Variants in DLG2 observed in about 807,000 individuals in gnomAD.
The protein encoded by DLG2 is disks large homolog 2.
A neutral mutation model predicts 132.5 loss-of-function variants in DLG2; 45 were observed. The ratio of observed to expected loss-of-function variants is 0.34; its 90% CI spans 0.27 to 0.44. The LOEUF (loss-of-function observed/expected upper bound fraction) is 0.44. Ranked by LOEUF, DLG2 falls within the 20% of genes least tolerant of loss-of-function variation. DLG2 has a pLI of 1.00. For missense variants in DLG2, 1,045 were observed against 1,196.9 expected, an observed-to-expected ratio of 0.87 and a Z score of 1.87; for synonymous variants, 424 against 419.6, an observed-to-expected ratio of 1.01 and a Z score of -0.13.
chr11:84,882,921 T>C (rs564353934), intron 6 of DLG2, among the ~76,000 whole-genome samples: 7 of 152,008 alleles, frequency 4.6e-5, no homozygotes, highest in Admixed American at 6.6e-5. Flanking sequence ...GAATTTTCAA[T>C]AGGAATTTGC....
intron 6 of DLG2, among the ~76,000 whole-genome samples, chr11:84,841,042 T>TA (rs1566113496): frequency 6.7e-6 from 1 of 149,124 alleles, no homozygotes; most frequent in Non-Finnish European, 1.5e-5. Context: ...GTAGGGGGGA[T>TA]AAACTCTTCA....
intron 6 of DLG2, among the ~76,000 whole-genome samples, chr11:84,973,195 G>C (rs2054354896): frequency 6.6e-6 from 1 of 152,016 alleles, no homozygotes; most frequent in Non-Finnish European, 1.5e-5. Flanking sequence ...CTAACCTCAG[G>C]TGATCTGCCT....
intron 6 of DLG2, among the ~76,000 whole-genome samples, chr11:84,615,261 T>G (rs2099601902): frequency 6.6e-6 from 1 of 152,082 alleles, no homozygotes; most frequent in East Asian, 1.9e-4. Context: ...TAAATTTGAT[T>G]TGCAAAAGTA....
intron 3 of DLG2, among the ~76,000 whole-genome samples, chr11:85,412,346 T>A (rs528558434): frequency 3.0e-4 from 46 of 151,722 alleles, no homozygotes; most frequent in Admixed American, 1.2e-3. Flanking sequence ...GGTAGGGAGG[T>A]AAGACAGAGG....
At chr11:85,411,590 T>C (rs1338915507) in intron 3 of DLG2, among the ~76,000 whole-genome samples, 2 of 151,932 alleles carry the variant, frequency 1.3e-5, no homozygotes, top group Non-Finnish European at 2.9e-5. Flanking sequence ...TTGTACCTAA[T>C]TGTGATGATC....
At chr11:83,713,010 T>A (rs1347537507) in intron 18 of DLG2, among the ~76,000 whole-genome samples, 1 of 152,144 alleles carries the variant, frequency 6.6e-6, no homozygotes, top group Admixed American at 6.5e-5. Flanking sequence ...AAAAATTTAT[T>A]TTTTTACTAA....
At chr11:83,999,236 G>A (rs1188796587) in intron 11 of DLG2, among the ~76,000 whole-genome samples, 5 of 152,002 alleles carry the variant, frequency 3.3e-5, no homozygotes, top group Admixed American at 6.6e-5. Context: ...CTGGGCCAGG[G>A]CCCAGCCCAG....
chr11:84,586,200 T>C (rs2099529515), intron 6 of DLG2, among the ~76,000 whole-genome samples: 1 of 151,858 alleles, frequency 6.6e-6, no homozygotes, highest in Non-Finnish European at 1.5e-5. Flanking sequence ...TGATGGTGGA[T>C]TTATTACTTT....
At chr11:85,323,743 GA>G in intron 3 of DLG2, among the ~76,000 whole-genome samples, 1 of 152,348 alleles carries the variant, frequency 6.6e-6, no homozygotes, top group South Asian at 2.1e-4. Context: ...ATATTAGTGA[GA>G]ATATACAATA....
chr11:83,513,214 C>G (rs529027054), intron 21 of DLG2, among the ~76,000 whole-genome samples: 35 of 152,258 alleles, frequency 2.3e-4, no homozygotes, highest in East Asian at 2.1e-3. Context: ...GCTTTTTAAT[C>G]ATCGCCATTC....
chr11:83,664,426 CTT>C (rs560427308), intron 18 of DLG2, among the ~76,000 whole-genome samples: 187 of 141,668 alleles, frequency 1.3e-3, no homozygotes, highest in African/African-American at 4.6e-3. Flanking sequence ...TCAAACCTCA[CTT>C]TTTTTTTTTT....
chr11:83,833,005 A>AT (rs1394811455), intron 17 of DLG2, among the ~76,000 whole-genome samples: 1 of 152,208 alleles, frequency 6.6e-6, no homozygotes, highest in South Asian at 2.1e-4. Context: ...GTAATATATC[A>AT]TTTTTAAAAA....
At chr11:84,067,118 A>G (rs1006428154) in intron 10 of DLG2, among the ~76,000 whole-genome samples, 2 of 152,138 alleles carry the variant, frequency 1.3e-5, no homozygotes, top group African/African-American at 4.8e-5. Flanking sequence ...GAGTATCATG[A>G]GGTCAGGAGT....
chr11:84,189,283 C>T (rs1174142096), intron 8 of DLG2, among the ~76,000 whole-genome samples: 1 of 152,174 alleles, frequency 6.6e-6, no homozygotes, highest in African/African-American at 2.4e-5. Flanking sequence ...GAAATACCAT[C>T]TCACACCTGT....
intron 15 of DLG2, among the ~76,000 whole-genome samples, chr11:83,875,707 A>G (rs1020558271): frequency 5.3e-5 from 8 of 152,206 alleles, no homozygotes; most frequent in Non-Finnish European, 8.8e-5. Flanking sequence ...GAACAAGTGT[A>G]TATATACATA....
chr11:83,918,281 G>A (rs992151288), intron 15 of DLG2, among the ~76,000 whole-genome samples: 7 of 152,166 alleles, frequency 4.6e-5, no homozygotes, highest in African/African-American at 9.7e-5. Context: ...TAGCATTGTG[G>A]AGCTATGATT....
chr11:84,321,110 A>T (rs1054870698), intron 7 of DLG2, among the ~76,000 whole-genome samples: 2 of 152,202 alleles, frequency 1.3e-5, no homozygotes, highest in African/African-American at 4.8e-5. Context: ...GATTAAACTA[A>T]TGTCACTTCT....
At chr11:85,142,022 G>A (rs973486874) in intron 5 of DLG2, among the ~76,000 whole-genome samples, 1 of 151,608 alleles carries the variant, frequency 6.6e-6, no homozygotes, top group African/African-American at 2.4e-5. Flanking sequence ...TGTTGCCCAT[G>A]ATGGCTTTGG....
intron 6 of DLG2, among the ~76,000 whole-genome samples, chr11:84,563,972 GA>G (rs1394142003): frequency 3.9e-5 from 6 of 152,128 alleles, no homozygotes; most frequent in African/African-American, 1.4e-4. Context: ...ATAGTGATTG[GA>G]AATCATTTAC....
Sources: gnomAD v4.1 joint callset for allele counts (sites outside exome capture counted in the v4.1 genomes callset) on GRCh38, gnomAD v4.1.1 for gene constraint, MANE v1.5 for transcripts, NCBI Gene and HGNC (gene_info 2026-07-23, HGNC 2026-07-21) for gene names.